ANK2: variants seen among roughly 807,000 people sequenced by gnomAD.
ANK2 encodes ankyrin-2.
ANK2 carries 83 observed loss-of-function variants against 360.5 expected under a neutral mutation model. The ratio of observed to expected loss-of-function variants is 0.23; its 90% confidence interval spans 0.19 to 0.28. The LOEUF (loss-of-function observed/expected upper bound fraction) is 0.28, where lower values mean the gene tolerates loss of function less well. Ranked by LOEUF, ANK2 falls within the 10% of genes least tolerant of loss-of-function variation. The probability of loss-of-function intolerance (pLI) is 1.00; values close to 1 mark genes in which losing one functional copy is unlikely to be tolerated. For missense variants in ANK2, 4,201 were observed against 4,795.7 expected (o/e 0.88, Z 3.66); for synonymous variants, 1,740 against 1,759.5 (o/e 0.99, Z 0.28).
rs192860764 is a variant in ANK2, at chr4:112,949,303, G to A, written c.21+44789G>A. Among the ~76,000 whole-genome samples, 546 of 152,178 alleles carry A rather than the reference G, an allele frequency of 3.6e-3. 3 individuals are homozygous for A. Among genetic ancestry groups the A allele is most frequent in the African/African-American group, 0.011 (443 of 41,526 alleles). ...TTCACTTAGGAAAAACACCAATAAA[G>A]CATTCTCTTCCTAAAATTTTCTGTA... On this transcript the variant is annotated intron_variant, in intron 2 of 30. Transcript: ENST00000503271.
At chr4:112,820,972 C>T (rs373795508) in intron 1 of ANK2, among the ~76,000 whole-genome samples, 20 of 151,980 alleles carry the variant, frequency 1.3e-4, no homozygotes, top group East Asian at 9.7e-4. Flanking sequence ...AGTGCAATGG[C>T]GCGATCTTGG....
intron 1 of ANK2, among the ~76,000 whole-genome samples, chr4:113,079,044 C>T (rs1014828434): frequency 6.6e-6 from 1 of 152,086 alleles, no homozygotes; most frequent in African/African-American, 2.4e-5. Context: ...GACTTGCTCC[C>T]AAAATTCTTA....
intron 1 of ANK2, among the ~76,000 whole-genome samples, chr4:113,090,101 T>C (rs2087052265): frequency 1.3e-5 from 2 of 152,212 alleles, no homozygotes; most frequent in Admixed American, 6.5e-5. Flanking sequence ...TGTGAAATCA[T>C]ATCTTGGGAA....
rs182926545 is a variant in ANK2, at chr4:113,220,970, A to G, written c.385-11191A>G. Among the ~76,000 whole-genome samples, 22 of 152,388 alleles carry G rather than the reference A, an allele frequency of 1.4e-4. No individual in the cohort carries two copies. In the East Asian group the frequency reaches 2.7e-3, roughly 19 times the overall value. Reference sequence around the variant, plus strand: ...GCTGCTTTCACGAAGTGTATAGGCTACACACAAAGTCAAGGTGAACACACA... The same window carrying G: ...GCTGCTTTCACGAAGTGTATAGGCTGCACACAAAGTCAAGGTGAACACACA... On this transcript the variant is annotated intron_variant, in intron 4 of 45. Transcript: ENST00000357077.
chr4:113,099,630 G>T (rs2092443775), intron 1 of ANK2, among the ~76,000 whole-genome samples: 1 of 151,912 alleles, frequency 6.6e-6, no homozygotes. Context: ...CTGACAAACT[G>T]ATTCTAAAGT....
the ANK2 span, among the ~76,000 whole-genome samples, chr4:112,750,764 G>A: frequency 6.6e-6 from 1 of 151,192 alleles, no homozygotes; most frequent in Non-Finnish European, 1.5e-5. Context: ...GTCTTACTCT[G>A]TCATCCAGGC....
chr4:112,832,570 T>G (rs977759801), intron 1 of ANK2, among the ~76,000 whole-genome samples: 1 of 152,220 alleles, frequency 6.6e-6, no homozygotes, highest in African/African-American at 2.4e-5. Context: ...GTAAAGTTAT[T>G]TGTAGAGTAG....
intron 32 of ANK2, among the ~76,000 whole-genome samples, chr4:113,340,942 T>G (rs1175771542): frequency 6.6e-6 from 1 of 152,194 alleles, no homozygotes; most frequent in African/African-American, 2.4e-5. Flanking sequence ...GACCTCGACT[T>G]TCTTTGTGAA....
At chr4:113,143,618 C>T (rs1426623855) in intron 1 of ANK2, among the ~76,000 whole-genome samples, 3 of 152,086 alleles carry the variant, frequency 2.0e-5, no homozygotes, top group Non-Finnish European at 4.4e-5. Context: ...CTTTCAATAG[C>T]TGGAAAAATC....
chr4:113,313,598 T>G (rs930873419), intron 24 of ANK2: 1 of 152,654 alleles, frequency 6.6e-6, no homozygotes, highest in African/African-American at 2.4e-5. Context: ...TTTTTAATTT[T>G]GCTTAGGCAA....
the ANK2 span, among the ~76,000 whole-genome samples, chr4:112,713,841 T>G: frequency 6.4e-5 from 9 of 141,240 alleles, no homozygotes; most frequent in South Asian, 2.3e-4. Context: ...GGCTGAGGCA[T>G]GGGAATGGCG....
intron 41 of ANK2, among the ~76,000 whole-genome samples, chr4:113,367,027 C>G (rs1385410035): frequency 6.6e-6 from 1 of 152,118 alleles, no homozygotes; most frequent in Non-Finnish European, 1.5e-5. Flanking sequence ...ATTCCTTAGC[C>G]TGTCATAAAA....
At chr4:113,204,966 T>C (rs1241496850) in intron 4 of ANK2, among the ~76,000 whole-genome samples, 1 of 152,180 alleles carries the variant, frequency 6.6e-6, no homozygotes, top group Non-Finnish European at 1.5e-5. Flanking sequence ...CCGGGTGCAG[T>C]GGCTCACGCC....
chr4:113,326,219 C>T (rs1272011799), intron 26 of ANK2, among the ~76,000 whole-genome samples: 1 of 152,118 alleles, frequency 6.6e-6, no homozygotes, highest in East Asian at 1.9e-4. Context: ...CAAATAGTGG[C>T]ACTTTTGGGT....
intron 26 of ANK2, among the ~76,000 whole-genome samples, chr4:113,321,636 G>A (rs1285110362): frequency 6.6e-6 from 1 of 151,950 alleles, no homozygotes; most frequent in Non-Finnish European, 1.5e-5. Flanking sequence ...TATACACCAG[G>A]TTCCTAAATA....
chr4:113,128,976 ACTT>A (rs1332771431), intron 1 of ANK2, among the ~76,000 whole-genome samples: 3 of 152,178 alleles, frequency 2.0e-5, no homozygotes, highest in Non-Finnish European at 4.4e-5. Context: ...AGAAAATATA[ACTT>A]CTTGGGAAAA....
At chr4:113,369,371 C>T (rs767886763) in intron 42 of ANK2, 143 bp from the exon 43 acceptor site, 41 of 860,040 alleles carry the variant, frequency 4.8e-5, no homozygotes, top group Admixed American at 1.6e-4. Flanking sequence ...TTCAAATGTC[C>T]TTTCTTGGCC....
intron 17 of ANK2, among the ~76,000 whole-genome samples, chr4:113,281,795 A>G (rs2062501934): frequency 6.6e-6 from 1 of 152,186 alleles, no homozygotes; most frequent in Non-Finnish European, 1.5e-5. Context: ...TAAGCAGAGT[A>G]TGAGTTTTCC....
intron 1 of ANK2, among the ~76,000 whole-genome samples, chr4:113,149,972 T>G (rs2096991510): frequency 6.6e-6 from 1 of 150,486 alleles, no homozygotes; most frequent in Non-Finnish European, 1.5e-5. Flanking sequence ...GAAACAGGGC[T>G]TACCCACATG....
Sources: allele counts gnomAD v4.1 joint callset (sites outside exome capture counted in the v4.1 genomes callset), GRCh38; gene constraint gnomAD v4.1.1; transcripts MANE v1.5; gene names NCBI Gene and HGNC (gene_info 2026-07-23, HGNC 2026-07-21).